Variants in CRYZL1 observed in about 807,000 individuals in gnomAD.
The protein encoded by CRYZL1 is ferry endosomal RAB5 effector complex subunit 4.
CRYZL1 carries 34 observed loss-of-function variants against 50.6 expected under a neutral mutation model. The observed-to-expected ratio is 0.67, with a 90% CI of 0.51 to 0.89. The LOEUF (loss-of-function observed/expected upper bound fraction) is 0.89, where lower values mean the gene tolerates loss of function less well. Ranked by LOEUF, CRYZL1 falls within the 40% of genes least tolerant of loss-of-function variation. The pLI is 0.00. For missense variants in CRYZL1, 354 were observed against 402.3 expected (o/e 0.88, Z 1.03); for synonymous variants, 125 against 134.3 (o/e 0.93, Z 0.48).
chr21:33,626,380 T>C (rs938959838), intron 2 of CRYZL1, among the ~76,000 whole-genome samples: 1 of 152,228 alleles, frequency 6.6e-6, no homozygotes, highest in African/African-American at 2.4e-5. Context: ...TAATTATCCC[T>C]CAGATTCCAC....
In CRYZL1 at chr21:33,591,085, A is replaced by G. The variant is rs2086638770; in HGVS notation, c.950+77T>C. Reference sequence around the variant, plus strand: ...ACAGGTACATGGCGAGAGCTAAAACAAAAGTGGGACTGCCTGCCTTAGCTC... The same window carrying G: ...ACAGGTACATGGCGAGAGCTAAAACGAAAGTGGGACTGCCTGCCTTAGCTC... On this transcript the variant is annotated intron_variant, in intron 12 of 12. Coordinates refer to ENST00000381554, the MANE Select transcript of CRYZL1 (RefSeq NM_145858.3). The G allele has an allele frequency of 2.9e-6, 3 of 1,049,270 alleles. No homozygotes were observed. In the Admixed American group the frequency reaches 5.2e-5, roughly 18 times the overall value. 65.0% of individuals were successfully genotyped at this position (1,049,270 alleles called of 1,614,324 possible). A position where few individuals can be genotyped will look rare whatever the true frequency, so the allele number is the denominator to read the frequency against.
chr21:33,615,165 T>C (rs1601338782), intron 5 of CRYZL1, among the ~76,000 whole-genome samples: 2 of 150,372 alleles, frequency 1.3e-5, no homozygotes, highest in South Asian at 2.1e-4. Flanking sequence ...TTTTTTTTTT[T>C]TTTTTTTGGA....
intron 6 of CRYZL1, among the ~76,000 whole-genome samples, chr21:33,604,279 C>A (rs1381514019): frequency 6.7e-6 from 1 of 150,156 alleles, no homozygotes; most frequent in African/African-American, 2.5e-5. Context: ...TGGTGTGAAC[C>A]CGGGAGGCAG....
intron 6 of CRYZL1, among the ~76,000 whole-genome samples, chr21:33,607,519 C>G (rs533598738): frequency 2.0e-5 from 3 of 152,226 alleles, no homozygotes; most frequent in African/African-American, 7.2e-5. Flanking sequence ...ATTGTCCCAG[C>G]TACTTGGGAG....
chr21:33,627,848 C>A (rs2145955215), intron 2 of CRYZL1, among the ~76,000 whole-genome samples: 1 of 149,812 alleles, frequency 6.7e-6, no homozygotes, highest in Non-Finnish European at 1.5e-5. Flanking sequence ...GGGTTCATAC[C>A]ATTCTCCTGC....
intron 11 of CRYZL1, among the ~76,000 whole-genome samples, chr21:33,592,821 G>A (rs1474992734): frequency 1.3e-5 from 2 of 152,084 alleles, no homozygotes; most frequent in African/African-American, 4.8e-5. Context: ...GGAGGCTGTA[G>A]CAGGTGGATC....
intron 7 of CRYZL1, 42 bp from the exon 8 acceptor site, chr21:33,602,387 C>T (rs371159280): frequency 3.8e-5 from 32 of 832,550 alleles, no homozygotes; most frequent in Middle Eastern, 2.3e-4. Flanking sequence ...GGTTATAGAA[C>T]AGAGGCCATA....
intron 6 of CRYZL1, among the ~76,000 whole-genome samples, chr21:33,606,111 C>T (rs1161031383): frequency 2.0e-5 from 3 of 152,142 alleles, no homozygotes; most frequent in Non-Finnish European, 4.4e-5. Flanking sequence ...TTTAAGATAG[C>T]TATTCTCCCA....
At chr21:33,633,374 T>C (rs1415265643) in intron 1 of CRYZL1, among the ~76,000 whole-genome samples, 2 of 152,210 alleles carry the variant, frequency 1.3e-5, no homozygotes, top group East Asian at 3.8e-4. Flanking sequence ...TTTAATGGTT[T>C]CCTACTGAGC....
rs143604223 is a variant in CRYZL1, at chr21:33,610,455, G to A, written c.331+3083C>T. On this transcript the variant is annotated intron_variant, in intron 6 of 12. Coordinates refer to ENST00000381554, the MANE Select transcript of CRYZL1 (RefSeq NM_145858.3). ...ACAGGCATGAGCCACCACGCCTGTC[G>A]TACTTCTTTTAAAGAAACATTTTGC... Among the ~76,000 whole-genome samples, 630 of 151,584 alleles carry A rather than the reference G, an allele frequency of 4.2e-3. 4 individuals carry two copies. The highest frequency in any genetic ancestry group is 0.015 in the African/African-American group (604 of 41,318).
intron 3 of CRYZL1, among the ~76,000 whole-genome samples, chr21:33,624,394 C>G (rs1159684626): frequency 6.6e-6 from 1 of 152,020 alleles, no homozygotes; most frequent in Non-Finnish European, 1.5e-5. Flanking sequence ...AAAAAACATA[C>G]AAAAATTAGC....
intron 11 of CRYZL1, chr21:33,595,322 T>C: frequency 8.8e-7 from 1 of 1,134,184 alleles, no homozygotes; most frequent in South Asian, 1.4e-5. Flanking sequence ...AATGTTTCTG[T>C]GCAATGGCAC....
chr21:33,624,836 T>G, intron 2 of CRYZL1, 76 bp from the exon 3 acceptor site: 1 of 1,510,296 alleles, frequency 6.6e-7, no homozygotes, highest in South Asian at 1.3e-5. Flanking sequence ...CTGTGAAAAT[T>G]TTTACATGTA....
intron 4 of CRYZL1, 100 bp from the exon 5 acceptor site, chr21:33,616,850 A>G (rs1265685107): frequency 8.9e-7 from 1 of 1,126,642 alleles, no homozygotes; most frequent in Non-Finnish European, 1.2e-6. Context: ...TTGTAAAAAG[A>G]CTGATTTTGT....
At chr21:33,609,621 T>A (rs2086848854) in intron 6 of CRYZL1, among the ~76,000 whole-genome samples, 3 of 151,926 alleles carry the variant, frequency 2.0e-5, no homozygotes, top group Admixed American at 2.0e-4. Context: ...CTAGTACTTT[T>A]TTTTTTTAAA....
intron 6 of CRYZL1, among the ~76,000 whole-genome samples, chr21:33,612,436 G>A (rs1241197479): frequency 2.0e-5 from 3 of 152,108 alleles, no homozygotes; most frequent in East Asian, 3.9e-4. Context: ...ACAGGCGTGC[G>A]CCAACAGCCC....
In CRYZL1 at chr21:33,624,764, G is replaced by C; in HGVS notation, c.67-4C>G. ...CCTCTGTAACAGGAAGATCTTCCTA[G>C]AACCAAATGATAACAAAACAATATG... is the stretch of plus-strand genomic sequence containing the variant. On this transcript the variant is annotated splice_polypyrimidine_tract_variant and splice_region_variant and intron_variant, in intron 2 of 12. Coordinates refer to ENST00000381554, the MANE Select transcript of CRYZL1 (RefSeq NM_145858.3). The C allele has an allele frequency of 6.3e-7, 1 of 1,589,500 alleles. No homozygotes were observed. The highest frequency in any genetic ancestry group is 8.5e-7 in the Non-Finnish European group (1 of 1,174,004).
chr21:33,609,985 T>C (rs1243827521), intron 6 of CRYZL1, among the ~76,000 whole-genome samples: 1 of 150,190 alleles, frequency 6.7e-6, no homozygotes, highest in Non-Finnish European at 1.5e-5. Context: ...ATTACAGGCG[T>C]GAGCCACCAT....
At chr21:33,613,502 C>G (rs372801450) in intron 6 of CRYZL1, 36 bp downstream of exon 6, 595 of 1,369,196 alleles carry the variant, frequency 4.3e-4, no homozygotes, top group Non-Finnish European at 5.7e-4. Context: ...TGAAGTAAGA[C>G]TTATGTGAGC....
Sources: allele counts gnomAD v4.1 joint callset (sites outside exome capture counted in the v4.1 genomes callset), GRCh38; gene constraint gnomAD v4.1.1; transcripts MANE v1.5; gene names NCBI Gene and HGNC (gene_info 2026-07-23, HGNC 2026-07-21).